The following BFAR variants were observed in gnomAD, a reference collection of about 807,000 sequenced individuals.
BFAR encodes the protein bifunctional apoptosis regulator, also known as RING finger protein 47.
In BFAR, 52 loss-of-function variants were observed where a neutral mutation model predicts 54.4. The ratio of observed to expected loss-of-function variants is 0.96; its 90% CI spans 0.77 to 1.21. The LOEUF is 1.21. Ranked by LOEUF, BFAR falls within the 50% of genes most tolerant of loss-of-function variation. The pLI, the probability that BFAR is intolerant of heterozygous loss-of-function variation, is 0.00. For missense variants in BFAR, 571 were observed against 534.0 expected, an observed-to-expected ratio of 1.07 and a Z score of -0.68; for synonymous variants, 215 against 204.3, an observed-to-expected ratio of 1.05 and a Z score of -0.45.
Position 14,644,306 on chromosome 16 carries a change from T to G in BFAR, c.-41T>G. The G allele has an allele frequency of 6.3e-7, 1 of 1,580,118 alleles. No homozygotes were observed. On this transcript the variant is annotated 5_prime_UTR_variant, in exon 2 of 8. Transcript: ENST00000261658. Reference sequence around the variant, plus strand: ...ATGTTTTGCAGCAGTTTTCTACGTCTGAAATTTTTTATGTCTCTGGAACCC... The same window carrying G: ...ATGTTTTGCAGCAGTTTTCTACGTCGGAAATTTTTTATGTCTCTGGAACCC...
intron 1 of BFAR, among the ~76,000 whole-genome samples, chr16:14,643,315 A>AT (rs1227208675): frequency 2.0e-5 from 3 of 152,232 alleles, no homozygotes; most frequent in Non-Finnish European, 4.4e-5. Context: ...GTCTCAAAAA[A>AT]AAAAAAAGGA....
chr16:14,636,898 A>G (rs1959463048), intron 1 of BFAR, among the ~76,000 whole-genome samples: 1 of 152,232 alleles, frequency 6.6e-6, no homozygotes, highest in Non-Finnish European at 1.5e-5. Context: ...CTGTTTAACA[A>G]AGCACATCTT....
intron 6 of BFAR, among the ~76,000 whole-genome samples, chr16:14,663,573 C>G (rs369513413): frequency 6.6e-6 from 1 of 151,924 alleles, no homozygotes; most frequent in East Asian, 1.9e-4. Flanking sequence ...CCTCGTAATC[C>G]GCCCTCCTCA....
intron 6 of BFAR, 22 bp from the exon 7 acceptor site, chr16:14,664,847 C>A: frequency 6.2e-7 from 1 of 1,600,184 alleles, no homozygotes; most frequent in Non-Finnish European, 8.6e-7. Flanking sequence ...TGACTTTTTG[C>A]GTCTGTGTGT....
At chr16:14,647,338 G>T (rs1271580203) in intron 2 of BFAR, among the ~76,000 whole-genome samples, 1 of 151,956 alleles carries the variant, frequency 6.6e-6, no homozygotes, top group Non-Finnish European at 1.5e-5. Flanking sequence ...GCCCACCTCG[G>T]CCTCCCAAAG....
intron 5 of BFAR, among the ~76,000 whole-genome samples, chr16:14,656,090 G>C (rs992877424): frequency 1.3e-5 from 2 of 152,062 alleles, no homozygotes; most frequent in South Asian, 2.1e-4. Flanking sequence ...CACTCCTGTA[G>C]GTCCATTTAC....
rs1411379179 is a variant in BFAR at position 14,668,170 on chromosome 16, A to AC, written c.*344dup. ...GTGTGGGTGACATCAGAAGGGTGCC[A>AC]CATCAGTCCCCTCCCCAACCTCAGT... On this transcript the variant is annotated 3_prime_UTR_variant, in exon 8 of 8. Transcript: ENST00000261658. 3 of 276,324 alleles carry AC rather than the reference A, an allele frequency of 1.1e-5. No individual in the cohort carries two copies. The highest frequency in any genetic ancestry group is 2.0e-5 in the Non-Finnish European group (3 of 146,438). 17.1% of individuals were successfully genotyped at this position (276,324 alleles called of 1,614,324 possible). A position where few individuals can be genotyped will look rare whatever the true frequency, so the allele number is the denominator to read the frequency against.
At position 14,668,987 on chromosome 16, in the gene BFAR, T is replaced by C. The variant is rs927013400; in HGVS notation, c.*1160T>C. On this transcript the variant is annotated 3_prime_UTR_variant, in exon 8 of 8. Coordinates refer to ENST00000261658, the MANE Select transcript of BFAR (RefSeq NM_016561.3). ...GTATAATTACACCAAGCGCTATAGT[T>C]ATAAATATGGCATGAAGTGAACTAT... 4.5e-6 allele frequency: 2 copies of C among 445,756 alleles called. No homozygotes were observed. The highest frequency in any genetic ancestry group is 4.0e-5 in the African/African-American group (2 of 49,710). 27.6% of individuals were successfully genotyped at this position (445,756 alleles called of 1,614,324 possible). A position where few individuals can be genotyped will look rare whatever the true frequency, so the allele number is the denominator to read the frequency against.
chr16:14,647,005 G>A (rs1959816507), intron 2 of BFAR, among the ~76,000 whole-genome samples: 1 of 151,538 alleles, frequency 6.6e-6, no homozygotes, highest in Non-Finnish European at 1.5e-5. Context: ...TCCAACTGCT[G>A]AGCTCAAGTG....
intron 6 of BFAR, among the ~76,000 whole-genome samples, chr16:14,664,078 A>G (rs748294645): frequency 1.2e-4 from 18 of 152,116 alleles, no homozygotes; most frequent in Admixed American, 2.0e-4. Context: ...CCTCGTCTCT[A>G]CTAAAAATAC....
chr16:14,648,635 C>G, intron 3 of BFAR, 43 bp downstream of exon 3: 2 of 1,250,398 alleles, frequency 1.6e-6, no homozygotes, highest in Non-Finnish European at 2.2e-6. Flanking sequence ...CCACACCTCA[C>G]CCCCCGACCC....
chr16:14,651,420 C>G (rs976525300), intron 4 of BFAR, among the ~76,000 whole-genome samples: 4 of 152,204 alleles, frequency 2.6e-5, no homozygotes, highest in Non-Finnish European at 5.9e-5. Context: ...CACTCCCCTC[C>G]AGGAACCTCA....
chr16:14,637,671 A>G (rs1214279526), intron 1 of BFAR, among the ~76,000 whole-genome samples: 1 of 152,052 alleles, frequency 6.6e-6, no homozygotes, highest in Admixed American at 6.6e-5. Context: ...CCCCATCTCT[A>G]CGAAAAATTT....
chr16:14,658,283 A>C (rs1427639653), intron 5 of BFAR, among the ~76,000 whole-genome samples: 2 of 152,138 alleles, frequency 1.3e-5, no homozygotes. Flanking sequence ...TCCACAGTGC[A>C]CAGGAAGGGT....
intron 1 of BFAR, 120 bp from the exon 2 acceptor site, chr16:14,644,154 C>T (rs189238342): frequency 2.5e-4 from 155 of 614,478 alleles, no homozygotes; most frequent in Admixed American, 2.3e-3. Context: ...GAGAGCAAGA[C>T]TGTGTCTCAA....
chr16:14,636,945 A>T (rs1959465559), intron 1 of BFAR, among the ~76,000 whole-genome samples: 5 of 152,198 alleles, frequency 3.3e-5, no homozygotes, highest in Admixed American at 3.3e-4. Flanking sequence ...GAGTTGACAC[A>T]GCACGTGTTT....
intron 1 of BFAR, among the ~76,000 whole-genome samples, chr16:14,637,456 A>G (rs951960264): frequency 3.3e-5 from 5 of 151,908 alleles, no homozygotes; most frequent in African/African-American, 4.8e-5. Flanking sequence ...TTAGAACTCC[A>G]TTTTCTCATC....
chr16:14,633,591 A>T (rs1959333998), intron 1 of BFAR: 1 of 152,280 alleles, frequency 6.6e-6, no homozygotes, highest in South Asian at 2.1e-4. Context: ...GGGCCAGGCA[A>T]GAACTCGGCT....
intron 5 of BFAR, among the ~76,000 whole-genome samples, chr16:14,658,260 C>T (rs1408240502): frequency 6.6e-6 from 1 of 152,150 alleles, no homozygotes; most frequent in Non-Finnish European, 1.5e-5. Context: ...TTGGTTCGAT[C>T]AGGTATGATG....
Sources: allele counts gnomAD v4.1 joint callset (sites outside exome capture counted in the v4.1 genomes callset), GRCh38; gene constraint gnomAD v4.1.1; transcripts MANE v1.5; gene names NCBI Gene and HGNC (gene_info 2026-07-23, HGNC 2026-07-21).